Variants in MCU observed in about 807,000 individuals in gnomAD.
MCU encodes mitochondrial calcium uniporter.
MCU carries 12 observed loss-of-function variants against 45.2 expected under a neutral mutation model. The ratio of observed to expected loss-of-function variants is 0.27; its 90% confidence interval spans 0.17 to 0.43. MCU has a LOEUF of 0.43. Ranked by LOEUF, MCU falls within the 20% of genes least tolerant of loss-of-function variation. MCU has a pLI of 1.00. For synonymous variants in MCU, 160 were observed against 165.1 expected (o/e 0.97, Z 0.24); for missense variants, 324 against 436.7 (o/e 0.74, Z 2.30).
At chr10:72,706,672 G>T (rs1589425073) in intron 1 of MCU, among the ~76,000 whole-genome samples, 1 of 151,844 alleles carries the variant, frequency 6.6e-6, no homozygotes, top group East Asian at 1.9e-4. Context: ...GAGTAGCTGG[G>T]ACTACAGGCG....
intron 1 of MCU, among the ~76,000 whole-genome samples, chr10:72,825,743 C>T (rs193065059): frequency 2.0e-5 from 3 of 152,274 alleles, no homozygotes; most frequent in African/African-American, 4.8e-5. Context: ...TGAACTGTTT[C>T]TCTAAACTAC....
chr10:72,699,554 C>T (rs1227397081), intron 1 of MCU, among the ~76,000 whole-genome samples: 2 of 150,296 alleles, frequency 1.3e-5, no homozygotes, highest in Non-Finnish European at 3.0e-5. Context: ...TCAGTAAGAC[C>T]TTATATTGAG....
At chr10:72,787,282 T>A (rs550937610) in intron 1 of MCU, among the ~76,000 whole-genome samples, 9 of 152,152 alleles carry the variant, frequency 5.9e-5, no homozygotes, top group Non-Finnish European at 1.2e-4. Context: ...TTTCGTTTGT[T>A]TTTTGAGACA....
At chr10:72,861,421 G>T (rs1186397805) in intron 4 of MCU, among the ~76,000 whole-genome samples, 1 of 151,612 alleles carries the variant, frequency 6.6e-6, no homozygotes, top group East Asian at 1.9e-4. Context: ...AAGAATTGTT[G>T]GGTTTTTTTG....
intron 1 of MCU, among the ~76,000 whole-genome samples, chr10:72,705,458 G>C (rs1021440517): frequency 1.3e-5 from 2 of 151,934 alleles, no homozygotes; most frequent in Middle Eastern, 6.8e-3. Flanking sequence ...GAGGTGGGTG[G>C]ATCACTTGAG....
At position 72,795,271 on chromosome 10, in the gene MCU, T is replaced by TC. The variant is rs1242391623; in HGVS notation, c.151-39086dup. Among the ~76,000 whole-genome samples, 6 of 152,258 alleles carry TC rather than the reference T, an allele frequency of 3.9e-5. No homozygotes were observed. In the East Asian group the frequency reaches 7.7e-4, roughly 20 times the overall value. On this transcript the variant is annotated intron_variant, in intron 1 of 7. Coordinates refer to ENST00000373053, the MANE Select transcript of MCU (RefSeq NM_138357.3). ...TTCCTGTAAGTTTTCATCATCACCT[T>TC]CCTCAGGCCCACCCTGCCTCCACCT...
At chr10:72,742,041 A>G (rs944262932) in intron 1 of MCU, among the ~76,000 whole-genome samples, 1 of 150,122 alleles carries the variant, frequency 6.7e-6, no homozygotes, top group Admixed American at 6.6e-5. Flanking sequence ...AAAAAAAAAA[A>G]AAAACAAAAA....
chr10:72,868,575 A>G lies in MCU; in HGVS notation c.497-128A>G. Reference sequence around the variant, plus strand: ...TCAAAAAAAAAAAAAAAAGAGAGCTATTACTTTCCTTCAGTTTAACACTGA... The same window carrying G: ...TCAAAAAAAAAAAAAAAAGAGAGCTGTTACTTTCCTTCAGTTTAACACTGA... On this transcript the variant is annotated intron_variant, in intron 4 of 7. Transcript: ENST00000373053. The G allele has an allele frequency of 5.4e-6, 4 of 739,838 alleles. No individual in the cohort carries two copies. The South Asian group carries it at 6.5e-5, about 12-fold the overall frequency. 45.8% of individuals were successfully genotyped at this position (739,838 alleles called of 1,614,324 possible).
intron 1 of MCU, among the ~76,000 whole-genome samples, chr10:72,776,106 T>A (rs1843889028): frequency 6.6e-6 from 1 of 151,722 alleles, no homozygotes; most frequent in Admixed American, 6.6e-5. Context: ...AGTTTGAAGC[T>A]GCAGTGAGCT....
intron 6 of MCU, among the ~76,000 whole-genome samples, chr10:72,876,087 G>C (rs894299786): frequency 4.6e-5 from 7 of 152,140 alleles, no homozygotes; most frequent in South Asian, 4.1e-4. Context: ...GATAAATAGT[G>C]ACCTAGCCTT....
At chr10:72,814,888 G>A (rs1391548512) in intron 1 of MCU, among the ~76,000 whole-genome samples, 1 of 152,110 alleles carries the variant, frequency 6.6e-6, no homozygotes, top group African/African-American at 2.4e-5. Flanking sequence ...TAAGGCAATA[G>A]GAGGAGATGA....
At chr10:72,857,247 C>G (rs1438059718) in intron 2 of MCU, among the ~76,000 whole-genome samples, 1 of 151,428 alleles carries the variant, frequency 6.6e-6, no homozygotes, top group Admixed American at 6.6e-5. Context: ...TTAAACCCCC[C>G]CCTTTTTTTT....
At chr10:72,694,756 AG>A (rs960056213) in intron 1 of MCU, among the ~76,000 whole-genome samples, 4 of 152,210 alleles carry the variant, frequency 2.6e-5, no homozygotes, top group African/African-American at 9.6e-5. Context: ...AATTACAACC[AG>A]GGGGGCATAA....
At chr10:72,848,528 A>G (rs1020939852) in intron 2 of MCU, among the ~76,000 whole-genome samples, 1 of 152,138 alleles carries the variant, frequency 6.6e-6, no homozygotes, top group African/African-American at 2.4e-5. Context: ...AAATCCAGTT[A>G]TGGGGCAGAG....
At chr10:72,787,905 TG>T (rs1386746074) in intron 1 of MCU, among the ~76,000 whole-genome samples, 1 of 151,908 alleles carries the variant, frequency 6.6e-6, no homozygotes, top group African/African-American at 2.4e-5. Flanking sequence ...TTAGTAGAGA[TG>T]GGGTTTCACC....
chr10:72,810,784 T>G (rs895264412), intron 1 of MCU, among the ~76,000 whole-genome samples: 1 of 152,058 alleles, frequency 6.6e-6, no homozygotes, highest in Admixed American at 6.6e-5. Flanking sequence ...TGTGAGCCAC[T>G]GCGCCTGGTC....
chr10:72,700,556 A>C (rs1416768330), intron 1 of MCU, among the ~76,000 whole-genome samples: 1 of 152,198 alleles, frequency 6.6e-6, no homozygotes, highest in East Asian at 1.9e-4. Context: ...CTTCAAGCAA[A>C]TTAATTTTAA....
intron 5 of MCU, 61 bp from the exon 6 acceptor site, chr10:72,871,316 G>A: frequency 1.3e-6 from 2 of 1,496,094 alleles, no homozygotes; most frequent in Non-Finnish European, 1.9e-6. Flanking sequence ...ACATAGAACA[G>A]TTTAAGCCTT....
chr10:72,742,899 A>C (rs1169688805), intron 1 of MCU, among the ~76,000 whole-genome samples: 3 of 152,124 alleles, frequency 2.0e-5, no homozygotes, highest in Non-Finnish European at 2.9e-5. Flanking sequence ...AATGCTATAA[A>C]TGCTGCTAGG....
Sources: gnomAD v4.1 joint callset for allele counts (sites outside exome capture counted in the v4.1 genomes callset) on GRCh38, gnomAD v4.1.1 for gene constraint, MANE v1.5 for transcripts, NCBI Gene and HGNC (gene_info 2026-07-23, HGNC 2026-07-21) for gene names.